Variants in FRMD3 observed in about 807,000 individuals in gnomAD.
FRMD3 encodes FERM domain-containing protein 3.
A neutral mutation model predicts 70.2 loss-of-function variants in FRMD3; 33 were observed. That is an observed-to-expected ratio of 0.47 (90% CI 0.36 to 0.63). The LOEUF (loss-of-function observed/expected upper bound fraction) is 0.63. Ranked by LOEUF, FRMD3 falls within the 20% of genes least tolerant of loss-of-function variation. FRMD3 has a pLI of 0.00. For synonymous variants in FRMD3, 279 were observed against 255.9 expected, an observed-to-expected ratio of 1.09 and a Z score of -0.86; for missense variants, 632 against 711.4, an observed-to-expected ratio of 0.89 and a Z score of 1.27.
chr9:83,548,864 T>G, the FRMD3 span, among the ~76,000 whole-genome samples: 1 of 152,186 alleles, frequency 6.6e-6, no homozygotes, highest in African/African-American at 2.4e-5. Context: ...TGCACAATTT[T>G]TCTGTAAACC....
At position 83,357,272 on chromosome 9, in the gene FRMD3, TATATATATA is replaced by T. The variant is rs1564032840; in HGVS notation, c.296-7524_296-7516del. 2.1e-3 allele frequency among the ~76,000 whole-genome samples: 130 copies of T among 61,928 alleles called. 4 individuals carry two copies. Among genetic ancestry groups the T allele is most frequent in the African/African-American group, 0.01 (116 of 11,588 alleles). 40.6% of individuals were successfully genotyped at this position (61,928 alleles called of 152,430 possible). On this transcript the variant is annotated intron_variant, in intron 3 of 13. Transcript: ENST00000304195. ...ATATATATATATATATATATATATATATATATATATATATATATATATATAAAACATTTT... is the reference window on the plus strand; with the variant it reads ...ATATATATATATATATATATATATATTATATATATATATATAAAACATTTT...
intron 1 of FRMD3, among the ~76,000 whole-genome samples, chr9:83,478,245 T>C (rs1828444331): frequency 6.6e-6 from 1 of 152,184 alleles, no homozygotes; most frequent in South Asian, 2.1e-4. Context: ...GTTCCTCCCA[T>C]AAGAAGGGCT....
chr9:83,405,695 G>A (rs948228015), intron 1 of FRMD3, among the ~76,000 whole-genome samples: 2 of 151,472 alleles, frequency 1.3e-5, no homozygotes, highest in South Asian at 2.1e-4. Flanking sequence ...GCTTGAACCC[G>A]ATCTTGTGGT....
At chr9:83,422,898 T>C (rs1383586680) in intron 1 of FRMD3, among the ~76,000 whole-genome samples, 1 of 152,202 alleles carries the variant, frequency 6.6e-6, no homozygotes, top group African/African-American at 2.4e-5. Flanking sequence ...AGGTGATGTT[T>C]AGGTAGCAGA....
At chr9:83,297,079 A>T (rs528835391) in intron 12 of FRMD3, among the ~76,000 whole-genome samples, 4 of 152,212 alleles carry the variant, frequency 2.6e-5, no homozygotes, top group South Asian at 2.1e-4. Context: ...AGAAGCATTT[A>T]AAAAAATTCT....
chr9:83,266,906 C>G (rs1315073362), intron 13 of FRMD3: 1 of 1,216,428 alleles, frequency 8.2e-7, no homozygotes, highest in Non-Finnish European at 1.1e-6. Flanking sequence ...TATCAAAAAC[C>G]TCTGACACCA....
intron 1 of FRMD3, among the ~76,000 whole-genome samples, chr9:83,419,572 ATG>A (rs1188669941): frequency 6.8e-6 from 1 of 146,714 alleles, no homozygotes; most frequent in Admixed American, 6.8e-5. Context: ...CGTGTGTTGA[ATG>A]TGTGTGATAT....
At chr9:83,433,704 T>C (rs1054707795) in intron 1 of FRMD3, among the ~76,000 whole-genome samples, 2 of 152,124 alleles carry the variant, frequency 1.3e-5, no homozygotes, top group African/African-American at 4.8e-5. Context: ...TGACAGATCA[T>C]CAGGCATTAG....
intron 2 of FRMD3, 47 bp downstream of exon 2, chr9:83,389,557 T>C (rs1360399323): frequency 7.9e-7 from 1 of 1,268,028 alleles, no homozygotes; most frequent in South Asian, 1.2e-5. Flanking sequence ...TGCACCACAG[T>C]CTGGGTCACT....
intron 12 of FRMD3, among the ~76,000 whole-genome samples, chr9:83,296,275 A>C (rs1834658105): frequency 6.6e-6 from 1 of 152,152 alleles, no homozygotes; most frequent in South Asian, 2.1e-4. Context: ...ACACATCACT[A>C]TGGCTTTGAC....
At chr9:83,455,271 C>T (rs1827785305) in intron 1 of FRMD3, among the ~76,000 whole-genome samples, 1 of 152,122 alleles carries the variant, frequency 6.6e-6, no homozygotes, top group Admixed American at 6.6e-5. Flanking sequence ...TGTGGCTTGA[C>T]ATGTTTTTAA....
intron 1 of FRMD3, among the ~76,000 whole-genome samples, chr9:83,507,649 G>A (rs1431429552): frequency 4.4e-5 from 6 of 137,176 alleles, no homozygotes; most frequent in East Asian, 4.3e-4. Flanking sequence ...CAGCCTGGGC[G>A]ACACAGCGAA....
At chr9:83,402,796 C>T (rs774059394) in intron 1 of FRMD3, among the ~76,000 whole-genome samples, 4 of 151,856 alleles carry the variant, frequency 2.6e-5, no homozygotes, top group South Asian at 4.2e-4. Context: ...AGAGAGCCTA[C>T]GGTCTAAACC....
At chr9:83,254,336 T>C (rs1349087695) in intron 13 of FRMD3, among the ~76,000 whole-genome samples, 1 of 142,102 alleles carries the variant, frequency 7.0e-6, no homozygotes, top group African/African-American at 2.6e-5. Context: ...ATATTTTTAA[T>C]ATTTTAAAAA....
chr9:83,423,549 T>G (rs1423592630), intron 1 of FRMD3, among the ~76,000 whole-genome samples: 1 of 149,762 alleles, frequency 6.7e-6, no homozygotes, highest in Non-Finnish European at 1.5e-5. Flanking sequence ...AAATTTTAAT[T>G]TAAACTTTAG....
chr9:83,562,066 T>C, the FRMD3 span, among the ~76,000 whole-genome samples: 1 of 152,096 alleles, frequency 6.6e-6, no homozygotes, highest in Non-Finnish European at 1.5e-5. Context: ...GAATAATGAG[T>C]GGATGGGATC....
chr9:83,253,878 A>G (rs1440886947), intron 13 of FRMD3, among the ~76,000 whole-genome samples: 1 of 152,210 alleles, frequency 6.6e-6, no homozygotes, highest in East Asian at 1.9e-4. Context: ...ATGTCCATCA[A>G]TGATAGACTG....
chr9:83,260,276 T>C (rs1473880523), intron 13 of FRMD3, among the ~76,000 whole-genome samples: 1 of 152,190 alleles, frequency 6.6e-6, no homozygotes, highest in Non-Finnish European at 1.5e-5. Context: ...CATAGGCAAG[T>C]TAAGGTCACA....
At chr9:83,475,299 T>G (rs1337289241) in intron 1 of FRMD3, among the ~76,000 whole-genome samples, 2 of 151,942 alleles carry the variant, frequency 1.3e-5, no homozygotes, top group African/African-American at 4.8e-5. Flanking sequence ...TATTCATATA[T>G]ATGAGTCAGA....
Sources: gnomAD v4.1 joint callset for allele counts (sites outside exome capture counted in the v4.1 genomes callset) on GRCh38, gnomAD v4.1.1 for gene constraint, MANE v1.5 for transcripts, NCBI Gene and HGNC (gene_info 2026-07-23, HGNC 2026-07-21) for gene names.